PFKP: variants seen among roughly 807,000 people sequenced by gnomAD.
PFKP encodes ATP-dependent 6-phosphofructokinase, platelet type.
Under a neutral mutation model 94.3 loss-of-function variants are expected in PFKP, and 101 were observed. That is an observed-to-expected ratio of 1.07 (90% CI 0.91 to 1.26). The LOEUF is 1.26. Ranked by LOEUF, PFKP falls within the 50% of genes most tolerant of loss-of-function variation. The probability of loss-of-function intolerance (pLI) is 0.00; values close to 1 mark genes in which losing one functional copy is unlikely to be tolerated. For synonymous variants in PFKP, 573 were observed against 432.6 expected, an observed-to-expected ratio of 1.32 and a Z score of -4.03; for missense variants, 1,145 against 1,103.3, an observed-to-expected ratio of 1.04 and a Z score of -0.53.
intron 4 of PFKP, 95 bp from the exon 5 acceptor site, chr10:3,103,684 C>G (rs1273396974): frequency 8.3e-7 from 1 of 1,207,258 alleles, no homozygotes; most frequent in Non-Finnish European, 1.2e-6. Flanking sequence ...TGGTTGATTT[C>G]TCTACCCATG....
chr10:3,133,954 A>T (rs1163542699), intron 19 of PFKP, among the ~76,000 whole-genome samples: 1 of 152,194 alleles, frequency 6.6e-6, no homozygotes, highest in Non-Finnish European at 1.5e-5. Flanking sequence ...TATACTTGAC[A>T]CCCCAAGTCA....
chr10:3,079,632 C>A (rs180828971), intron 1 of PFKP, among the ~76,000 whole-genome samples: 1 of 96,410 alleles, frequency 1.0e-5, no homozygotes, highest in Admixed American at 1.3e-4. Flanking sequence ...TATGAAAGAC[C>A]GGTGGGAACG....
chr10:3,068,038 G>T (rs1003423899), intron 1 of PFKP, among the ~76,000 whole-genome samples: 5 of 152,136 alleles, frequency 3.3e-5, no homozygotes, highest in East Asian at 1.9e-4. Context: ...TTCCACCTTC[G>T]GTTTTGTTTT....
At position 3,130,052 on chromosome 10, in the gene PFKP, G is replaced by A. The variant is rs897158085; in HGVS notation, c.1848+69G>A. ...ACTGGGTGCTGCGGAGTGAATCATC[G>A]TGTCTAGGGTGGTTTGCTTTCCAAG... On this transcript the variant is annotated intron_variant, in intron 17 of 21. Transcript: ENST00000381125. The A allele has an allele frequency of 5.9e-5, 83 of 1,402,998 alleles. No homozygotes were observed. The Admixed American group carries it at 6.6e-4, about 11-fold the overall frequency. 86.9% of individuals were successfully genotyped at this position (1,402,998 alleles called of 1,614,324 possible).
intron 15 of PFKP, 121 bp from the exon 16 acceptor site, chr10:3,119,770 TC>T: frequency 1.7e-6 from 1 of 593,958 alleles, no homozygotes; most frequent in Non-Finnish European, 2.7e-6. Flanking sequence ...CGGAGTGTTT[TC>T]GTGATGCCCC....
At chr10:3,074,329 A>AC in intron 1 of PFKP, among the ~76,000 whole-genome samples, 2 of 152,240 alleles carry the variant, frequency 1.3e-5, no homozygotes, top group East Asian at 1.9e-4. Context: ...GCCCAGGGGA[A>AC]CCTCTGGTTG....
intron 17 of PFKP, among the ~76,000 whole-genome samples, chr10:3,130,992 C>A (rs1476019493): frequency 1.3e-5 from 2 of 152,196 alleles, no homozygotes; most frequent in East Asian, 1.9e-4. Flanking sequence ...GAGTCATTCA[C>A]TGCATCATGA....
intron 14 of PFKP, among the ~76,000 whole-genome samples, chr10:3,117,780 A>C (rs1451828288): frequency 6.6e-6 from 1 of 152,174 alleles, no homozygotes; most frequent in African/African-American, 2.4e-5. Flanking sequence ...TGATAGGGCC[A>C]GGGCGTTGCT....
At chr10:3,101,601 C>T (rs1454774401) in intron 4 of PFKP, 47 bp downstream of exon 4, 5 of 1,369,476 alleles carry the variant, frequency 3.7e-6, no homozygotes, top group Middle Eastern at 2.7e-4. Context: ...CGCCCTGTTT[C>T]AGAGCTTTGG....
chr10:3,102,857 C>G (rs960191840), intron 4 of PFKP, among the ~76,000 whole-genome samples: 1 of 152,244 alleles, frequency 6.6e-6, no homozygotes, highest in East Asian at 1.9e-4. Context: ...GAAGGCTGCC[C>G]GTTGGAAGCA....
chr10:3,069,125 C>G, intron 1 of PFKP: 2 of 597,518 alleles, frequency 3.3e-6, no homozygotes. Context: ...AGGCCCGCAG[C>G]GCAGCCTCCC....
intron 2 of PFKP, among the ~76,000 whole-genome samples, chr10:3,095,236 C>CGCGCATAGGGGAACTACGCG (rs559127368): frequency 6.6e-6 from 1 of 151,598 alleles, no homozygotes; most frequent in African/African-American, 2.4e-5. Flanking sequence ...AGAAAGCCAC[C>CGCGCATAGGGGAACTACGCG]CATAGGTGAA....
intron 2 of PFKP, among the ~76,000 whole-genome samples, chr10:3,096,530 G>A (rs1054263688): frequency 2.0e-5 from 3 of 152,092 alleles, no homozygotes; most frequent in Admixed American, 6.6e-5. Flanking sequence ...TGCAGTTCAG[G>A]CCCCATCATG....
intron 16 of PFKP, among the ~76,000 whole-genome samples, chr10:3,124,013 C>T (rs1291109284): frequency 2.0e-5 from 3 of 151,612 alleles, no homozygotes; most frequent in Admixed American, 2.0e-4. Flanking sequence ...CCACCCGCCC[C>T]ACCCTCCTAT....
chr10:3,098,830 A>G (rs1421899155), intron 2 of PFKP, among the ~76,000 whole-genome samples: 1 of 152,220 alleles, frequency 6.6e-6, no homozygotes, highest in African/African-American at 2.4e-5. Flanking sequence ...TTCAACATAC[A>G]TCCCAAGTGG....
intron 16 of PFKP, among the ~76,000 whole-genome samples, chr10:3,121,752 T>A (rs1837427357): frequency 6.6e-6 from 1 of 151,642 alleles, no homozygotes; most frequent in African/African-American, 2.4e-5. Context: ...AAATGCAGTT[T>A]TTCATTCATT....
At chr10:3,077,378 C>A (rs544492492) in intron 1 of PFKP, among the ~76,000 whole-genome samples, 1 of 150,144 alleles carries the variant, frequency 6.7e-6, no homozygotes, top group South Asian at 2.1e-4. Flanking sequence ...TCTCCTGCCT[C>A]AGCCTCCCAA....
At chr10:3,069,184 G>A in intron 1 of PFKP, 3 of 1,223,048 alleles carry the variant, frequency 2.5e-6, no homozygotes, top group Non-Finnish European at 2.1e-6. Context: ...GCCAGGCCCC[G>A]CCCCGCAGCC....
intron 10 of PFKP, among the ~76,000 whole-genome samples, chr10:3,110,696 G>T (rs926375896): frequency 3.3e-5 from 5 of 152,110 alleles, no homozygotes; most frequent in Non-Finnish European, 7.4e-5. Context: ...GAGTGTGTGC[G>T]CAGGCTTGTG....
Sources: allele counts gnomAD v4.1 joint callset (sites outside exome capture counted in the v4.1 genomes callset), GRCh38; gene constraint gnomAD v4.1.1; transcripts MANE v1.5; gene names NCBI Gene and HGNC (gene_info 2026-07-23, HGNC 2026-07-21).